Variants in DCDC1 observed in about 807,000 individuals in gnomAD.
The protein encoded by DCDC1 is doublecortin domain-containing protein 1.
DCDC1 carries 200 observed loss-of-function variants against 178.3 expected under a neutral mutation model. The observed-to-expected ratio is 1.12, with a 90% CI of 1.00 to 1.26. The LOEUF is 1.26. Ranked by LOEUF, DCDC1 falls within the 50% of genes most tolerant of loss-of-function variation. The probability of loss-of-function intolerance (pLI) is 0.00; values close to 1 mark genes in which losing one functional copy is unlikely to be tolerated. For missense variants in DCDC1, 1,983 were observed against 1,749.2 expected (o/e 1.13, Z -2.38); for synonymous variants, 690 against 604.8 (o/e 1.14, Z -2.07).
intron 35 of DCDC1, 93 bp from the exon 36 acceptor site, chr11:30,893,090 T>A: frequency 1.4e-6 from 2 of 1,405,116 alleles, no homozygotes; most frequent in Non-Finnish European, 1.9e-6. Flanking sequence ...ATCTTGTAAT[T>A]AATAAATTAT....
chr11:31,001,931 A>T (rs1302914223), intron 20 of DCDC1, among the ~76,000 whole-genome samples: 1 of 152,232 alleles, frequency 6.6e-6, no homozygotes, highest in Admixed American at 6.5e-5. Context: ...CTTGATTCTA[A>T]TGAATTTCCA....
At chr11:31,200,354 C>T (rs1380747213) in intron 9 of DCDC1, among the ~76,000 whole-genome samples, 1 of 151,994 alleles carries the variant, frequency 6.6e-6, no homozygotes, top group Non-Finnish European at 1.5e-5. Context: ...ATAACTTAAA[C>T]ATAGCTTAGA....
At chr11:31,269,139 C>A (rs533200825) in intron 7 of DCDC1, among the ~76,000 whole-genome samples, 2 of 152,198 alleles carry the variant, frequency 1.3e-5, no homozygotes, top group South Asian at 2.1e-4. Flanking sequence ...GCAATGCCAG[C>A]CTTCAGTAAT....
At chr11:31,335,818 T>C (rs967826125) in intron 1 of DCDC1, among the ~76,000 whole-genome samples, 3 of 152,110 alleles carry the variant, frequency 2.0e-5, no homozygotes, top group Non-Finnish European at 4.4e-5. Context: ...CTGATTAAAA[T>C]AGCTACAAAA....
At chr11:31,191,418 T>C (rs2554049) in intron 9 of DCDC1, among the ~76,000 whole-genome samples, 13,853 of 152,136 alleles carry the variant, frequency 0.091, 1,737 homozygotes, top group African/African-American at 0.28. Flanking sequence ...GCTTATGCCA[T>C]ACATATAAAA....
intron 9 of DCDC1, among the ~76,000 whole-genome samples, chr11:31,234,292 T>A (rs545473565): frequency 6.6e-6 from 1 of 152,340 alleles, no homozygotes; most frequent in Admixed American, 6.5e-5. Flanking sequence ...TAATGTTACA[T>A]TAATTCCCAC....
chr11:31,009,708 A>G (rs1952059792), intron 20 of DCDC1, among the ~76,000 whole-genome samples: 1 of 152,124 alleles, frequency 6.6e-6, no homozygotes, highest in Non-Finnish European at 1.5e-5. Context: ...AACCAATTGA[A>G]TGACATCCAT....
At chr11:31,295,979 T>G (rs1037990388) in intron 6 of DCDC1, among the ~76,000 whole-genome samples, 1 of 152,158 alleles carries the variant, frequency 6.6e-6, no homozygotes, top group Admixed American at 6.5e-5. Flanking sequence ...ACATCTGACA[T>G]TCTATACACC....
chr11:31,280,176 T>A (rs533939959), intron 7 of DCDC1, among the ~76,000 whole-genome samples: 50 of 152,300 alleles, frequency 3.3e-4, no homozygotes, highest in Admixed American at 1.6e-3. Flanking sequence ...TTGGCATAGT[T>A]AGGGCCAAAA....
Position 31,311,250 on chromosome 11 carries a change from G to A in DCDC1, c.165-3342C>T, listed in dbSNP as rs151213025. On this transcript the variant is annotated intron_variant, in intron 3 of 38. Coordinates refer to ENST00000684477, the MANE Select transcript of DCDC1 (RefSeq NM_001387274.1). The stretch of plus-strand genomic sequence containing the variant: ...TCATGCTACTGGCAAGCCTGCATAT[G>A]GGAAAGTACCTAGCAACGGCCCAGC... Among the ~76,000 whole-genome samples the A allele has an allele frequency of 1.1e-3, 161 of 152,240 alleles. 2 individuals are homozygous for A. In the East Asian group the frequency reaches 0.025, roughly 24 times the overall value.
intron 8 of DCDC1, among the ~76,000 whole-genome samples, chr11:31,244,221 T>A (rs1369634602): frequency 6.6e-6 from 1 of 151,772 alleles, no homozygotes; most frequent in African/African-American, 2.4e-5. Flanking sequence ...AAAATATTAT[T>A]GAATAATTGA....
intron 20 of DCDC1, among the ~76,000 whole-genome samples, chr11:31,022,055 C>T (rs1043771623): frequency 1.3e-5 from 2 of 152,052 alleles, no homozygotes; most frequent in Non-Finnish European, 2.9e-5. Flanking sequence ...ACATGGAGTC[C>T]CCTTGCTTTA....
intron 11 of DCDC1, among the ~76,000 whole-genome samples, chr11:31,118,472 T>C (rs1348316711): frequency 1.3e-5 from 2 of 152,238 alleles, no homozygotes; most frequent in Non-Finnish European, 2.9e-5. Flanking sequence ...TATGTTCAAA[T>C]GAAGAATTTA....
At chr11:31,199,453 A>C (rs1302521690) in intron 9 of DCDC1, among the ~76,000 whole-genome samples, 3 of 152,126 alleles carry the variant, frequency 2.0e-5, no homozygotes, top group Admixed American at 6.6e-5. Flanking sequence ...ACTCAGAAGA[A>C]GACTTTGTGT....
chr11:31,262,689 C>T lies in DCDC1; in HGVS notation c.1054+2818G>A, dbSNP rs572659210. The T allele has an allele frequency of 1.9e-3, 356 of 184,706 alleles. 1 individual carries two copies. Among genetic ancestry groups the T allele is most frequent in the Middle Eastern group, 0.013 (6 of 474 alleles). 11.4% of individuals were successfully genotyped at this position (184,706 alleles called of 1,614,324 possible). On this transcript the variant is annotated intron_variant, in intron 8 of 38. Coordinates refer to ENST00000684477, the MANE Select transcript of DCDC1 (RefSeq NM_001387274.1). ...AAGATAACTTTCACATAAAACTTGA[C>T]CTTTCCCAAGTTGAAGTTCAGAAAA...
intron 3 of DCDC1, among the ~76,000 whole-genome samples, chr11:31,310,809 A>T (rs1390153780): frequency 6.6e-6 from 1 of 152,190 alleles, no homozygotes. Flanking sequence ...CCAGAAACAG[A>T]GAGGCACACT....
chr11:30,905,106 A>G lies in DCDC1; in HGVS notation c.4163T>C (p.Leu1388Ser), dbSNP rs373547263. The change falls in exon 31 of 39, where the codon TTG (leucine) becomes TCG (serine). Residue 1388 changes from leucine to serine, a missense_variant. Physicochemically the swap from Leu to Ser is moderately radical, Grantham distance 145 (BLOSUM62 -2). Coordinates refer to ENST00000684477, the MANE Select transcript of DCDC1 (RefSeq NM_001387274.1). ...KTLSYYQARLLSLRMKTCTQA... is the reference protein window; with the variant it reads ...KTLSYYQARLSSLRMKTCTQA... ...CGTGCAGGTCTTCATCCGTAAAGAC[A>G]ATAGACGTGCTTGGTAGTAACTTAG... 39 of 1,613,422 alleles carry G rather than the reference A, an allele frequency of 2.4e-5. No individual in the cohort carries two copies. The highest frequency in any genetic ancestry group is 2.1e-4 in the South Asian group (19 of 91,064).
At chr11:31,058,001 A>C (rs1321752386) in intron 20 of DCDC1, among the ~76,000 whole-genome samples, 1 of 152,090 alleles carries the variant, frequency 6.6e-6, no homozygotes, top group African/African-American at 2.4e-5. Flanking sequence ...GAGGCCAGAA[A>C]GTGTACCTGT....
At chr11:31,201,748 T>C (rs1205881823) in intron 9 of DCDC1, among the ~76,000 whole-genome samples, 1 of 151,540 alleles carries the variant, frequency 6.6e-6, no homozygotes, top group Non-Finnish European at 1.5e-5. Flanking sequence ...ATTGTGAAAT[T>C]TGCAAGAGTT....
Sources: allele counts gnomAD v4.1 joint callset (sites outside exome capture counted in the v4.1 genomes callset), GRCh38; gene constraint gnomAD v4.1.1; transcripts MANE v1.5; gene names NCBI Gene and HGNC (gene_info 2026-07-23, HGNC 2026-07-21).